The following FAM53B variants were observed in gnomAD, a reference collection of about 807,000 sequenced individuals.
FAM53B encodes protein FAM53B.
A neutral mutation model predicts 32.7 loss-of-function variants in FAM53B; 12 were observed. The observed-to-expected ratio is 0.37, with a 90% CI of 0.24 to 0.59. The LOEUF is 0.59. Among genes scored for constraint, FAM53B ranks in the 20% least tolerant of loss-of-function variants. The pLI is 0.72. For synonymous variants in FAM53B, 234 were observed against 228.7 expected (o/e 1.02, Z -0.21); for missense variants, 477 against 577.7 (o/e 0.83, Z 1.79).
rs1323794661 is a variant in FAM53B at position 124,639,537 on chromosome 10, C to A, written c.907-15933G>T. ...GGTCCTGGGAAGACCCAGCTCAAGGCCCAGGGTGCTTGGCAGGTGGGGCTC... is the reference window on the plus strand; with the variant it reads ...GGTCCTGGGAAGACCCAGCTCAAGGACCAGGGTGCTTGGCAGGTGGGGCTC... On this transcript the variant is annotated intron_variant, in intron 4 of 4. Coordinates refer to ENST00000337318, the MANE Select transcript of FAM53B (RefSeq NM_014661.4). 2.6e-5 allele frequency among the ~76,000 whole-genome samples: 4 copies of A among 152,274 alleles called. No homozygotes were observed. In the East Asian group the frequency reaches 7.7e-4, roughly 29 times the overall value.
At chr10:124,650,953 CGAG>C (rs1160896192) in intron 4 of FAM53B, among the ~76,000 whole-genome samples, 1 of 150,836 alleles carries the variant, frequency 6.6e-6, no homozygotes, top group African/African-American at 2.4e-5. Flanking sequence ...AAAAGAAATG[CGAG>C]GACTCACGGG....
chr10:124,657,428 G>A (rs1364980116), intron 4 of FAM53B, among the ~76,000 whole-genome samples: 1 of 152,102 alleles, frequency 6.6e-6, no homozygotes, highest in Non-Finnish European at 1.5e-5. Flanking sequence ...GCTAGAAAGG[G>A]TGTCAAGAGT....
At chr10:124,690,369 G>A (rs749198347) in intron 3 of FAM53B, among the ~76,000 whole-genome samples, 12 of 152,222 alleles carry the variant, frequency 7.9e-5, no homozygotes, top group Non-Finnish European at 1.5e-4. Flanking sequence ...TCCAGCAAAT[G>A]ACAGAGCCCA....
At chr10:124,689,119 T>A (rs1442775708) in intron 3 of FAM53B, among the ~76,000 whole-genome samples, 1 of 152,134 alleles carries the variant, frequency 6.6e-6, no homozygotes, top group Non-Finnish European at 1.5e-5. Flanking sequence ...GCCCTGTAGG[T>A]TGGGTTGTGC....
intron 1 of FAM53B, among the ~76,000 whole-genome samples, chr10:124,720,468 AT>A (rs745950043): frequency 5.3e-5 from 8 of 151,928 alleles, no homozygotes; most frequent in East Asian, 3.9e-4. Context: ...TTCGAAAATA[AT>A]TTTTTTTTAA....
chr10:124,645,385 TGA>T (rs1213737486), intron 4 of FAM53B, among the ~76,000 whole-genome samples: 8 of 152,256 alleles, frequency 5.3e-5, no homozygotes, highest in Non-Finnish European at 1.0e-4. Flanking sequence ...CAGGCCCTGC[TGA>T]GAGATGCAAA....
chr10:124,721,106 G>T (rs1164473156), intron 1 of FAM53B, among the ~76,000 whole-genome samples: 1 of 152,228 alleles, frequency 6.6e-6, no homozygotes, highest in East Asian at 1.9e-4. Flanking sequence ...GGAGGTTGGG[G>T]TGGGAAGATC....
At chr10:124,693,466 CAA>C (rs60351967) in intron 3 of FAM53B, among the ~76,000 whole-genome samples, 41 of 94,646 alleles carry the variant, frequency 4.3e-4, no homozygotes, top group East Asian at 5.7e-4. Context: ...GACTCTGTCT[CAA>C]AAAAAAAAAA....
At chr10:124,723,830 A>C (rs1326718890) in intron 1 of FAM53B, among the ~76,000 whole-genome samples, 1 of 152,192 alleles carries the variant, frequency 6.6e-6, no homozygotes. Flanking sequence ...GATTATATAC[A>C]CATGTGACGC....
chr10:124,716,792 G>A (rs1950040862), intron 1 of FAM53B, among the ~76,000 whole-genome samples: 1 of 152,094 alleles, frequency 6.6e-6, no homozygotes, highest in Non-Finnish European at 1.5e-5. Flanking sequence ...CACGGAGAGA[G>A]GAGAACTCAC....
chr10:124,739,568 C>G (rs562311108), intron 1 of FAM53B, among the ~76,000 whole-genome samples: 1 of 152,362 alleles, frequency 6.6e-6, no homozygotes, highest in South Asian at 2.1e-4. Flanking sequence ...GTCAAATGGG[C>G]TGTTTACGAA....
chr10:124,684,933 A>G (rs1949793361), intron 3 of FAM53B, among the ~76,000 whole-genome samples: 2 of 152,386 alleles, frequency 1.3e-5, no homozygotes, highest in South Asian at 4.1e-4. Flanking sequence ...AGATTTATGT[A>G]TGATGATGTT....
In FAM53B at chr10:124,621,384, G is replaced by A. The variant is rs1159306712; in HGVS notation, c.*1858C>T. 1 of 152,276 alleles carries A rather than the reference G, an allele frequency of 6.6e-6. No individual in the cohort carries two copies. Among genetic ancestry groups the A allele is most frequent in the East Asian group, 1.9e-4 (1 of 5,196 alleles). The allele number at this position is 152,276 out of a possible 1,614,324, so 9.4% of individuals were successfully genotyped here. ...GCCAAGATGTCTCTGTCTGCTCAGA[G>A]CCACCAGCTCTTGGGTTCGGCTGTC... On this transcript the variant is annotated 3_prime_UTR_variant, in exon 5 of 5. Coordinates refer to ENST00000337318, the MANE Select transcript of FAM53B (RefSeq NM_014661.4).
At chr10:124,679,960 C>T (rs1410111634) in intron 4 of FAM53B, among the ~76,000 whole-genome samples, 3 of 152,158 alleles carry the variant, frequency 2.0e-5, no homozygotes, top group East Asian at 1.9e-4. Context: ...ATAAAATATG[C>T]TCAGTATTAA....
chr10:124,697,629 G>A (rs898845223), intron 2 of FAM53B, among the ~76,000 whole-genome samples: 3 of 152,116 alleles, frequency 2.0e-5, no homozygotes, highest in African/African-American at 7.2e-5. Flanking sequence ...ACAAACCACA[G>A]GGAGATCAGG....
chr10:124,669,520 A>G (rs1183000535), intron 4 of FAM53B, among the ~76,000 whole-genome samples: 2 of 152,158 alleles, frequency 1.3e-5, no homozygotes, highest in African/African-American at 4.8e-5. Context: ...GGCCCGGAGG[A>G]TGTGGTAAGT....
At chr10:124,630,764 G>A (rs1475741448) in intron 4 of FAM53B, among the ~76,000 whole-genome samples, 1 of 152,222 alleles carries the variant, frequency 6.6e-6, no homozygotes, top group Non-Finnish European at 1.5e-5. Flanking sequence ...CAGTTACTAG[G>A]AAAGTTCCCA....
At chr10:124,654,999 C>T (rs771035915) in intron 4 of FAM53B, among the ~76,000 whole-genome samples, 1 of 152,196 alleles carries the variant, frequency 6.6e-6, no homozygotes, top group Non-Finnish European at 1.5e-5. Context: ...CCAAAGCGTG[C>T]CCAGGTTACA....
intron 3 of FAM53B, among the ~76,000 whole-genome samples, chr10:124,689,497 C>G (rs1302012421): frequency 6.6e-6 from 1 of 152,212 alleles, no homozygotes; most frequent in African/African-American, 2.4e-5. Flanking sequence ...AAAATGGCAG[C>G]TGTGTCTTGG....
Sources: gnomAD v4.1 joint callset for allele counts (sites outside exome capture counted in the v4.1 genomes callset) on GRCh38, gnomAD v4.1.1 for gene constraint, MANE v1.5 for transcripts, NCBI Gene and HGNC (gene_info 2026-07-23, HGNC 2026-07-21) for gene names.